FOXP1: variants seen among roughly 807,000 people sequenced by gnomAD.
The protein encoded by FOXP1 is forkhead box P1.
A neutral mutation model predicts 98.2 loss-of-function variants in FOXP1; 15 were observed. The observed-to-expected ratio is 0.15, with a 90% confidence interval of 0.10 to 0.24. The LOEUF is 0.24. FOXP1 is among the 10% of genes least tolerant of loss of function. The pLI is 1.00. For missense variants in FOXP1, 633 were observed against 848.5 expected, an observed-to-expected ratio of 0.75 and a Z score of 3.15; for synonymous variants, 371 against 314.5, an observed-to-expected ratio of 1.18 and a Z score of -1.90.
At chr3:71,021,459 T>G (rs900381682) in intron 11 of FOXP1, among the ~76,000 whole-genome samples, 1 of 152,236 alleles carries the variant, frequency 6.6e-6, no homozygotes, top group Non-Finnish European at 1.5e-5. Context: ...ACATTTGGGC[T>G]ATTTCCACAT....
intron 2 of FOXP1, among the ~76,000 whole-genome samples, chr3:71,538,945 A>G (rs1348822979): frequency 2.0e-5 from 3 of 151,986 alleles, no homozygotes; most frequent in African/African-American, 7.3e-5. Flanking sequence ...TCTCCACTGA[A>G]TTGGCTTGGC....
chr3:71,334,360 A>G (rs914326493), intron 4 of FOXP1: 1 of 152,258 alleles, frequency 6.6e-6, no homozygotes, highest in East Asian at 1.9e-4. Flanking sequence ...GCGAGCCAAG[A>G]TCATGCTACT....
intron 14 of FOXP1, among the ~76,000 whole-genome samples, chr3:70,986,510 T>G (rs1183889317): frequency 6.6e-6 from 1 of 152,220 alleles, no homozygotes; most frequent in African/African-American, 2.4e-5. Flanking sequence ...ACTAAAGCCA[T>G]CTGAAGACTT....
intron 3 of FOXP1, among the ~76,000 whole-genome samples, chr3:71,466,942 C>T (rs2088820464): frequency 6.6e-6 from 1 of 152,144 alleles, no homozygotes; most frequent in African/African-American, 2.4e-5. Context: ...TTAATGAACA[C>T]TTAGCTTCAA....
chr3:71,232,909 G>C (rs1361115412), intron 5 of FOXP1, among the ~76,000 whole-genome samples: 41 of 64,560 alleles, frequency 6.4e-4, no homozygotes, highest in Non-Finnish European at 1.2e-3. Flanking sequence ...AAGAAAAATG[G>C]GGACCAGGTG....
chr3:71,374,329 C>A (rs772784040), intron 3 of FOXP1, among the ~76,000 whole-genome samples: 1 of 152,206 alleles, frequency 6.6e-6, no homozygotes, highest in Non-Finnish European at 1.5e-5. Context: ...CGTGGTGGCT[C>A]ATGCCTGTAA....
intron 4 of FOXP1, among the ~76,000 whole-genome samples, chr3:71,328,992 A>C (rs1009537038): frequency 3.4e-5 from 5 of 147,226 alleles, no homozygotes; most frequent in African/African-American, 1.2e-4. Context: ...AAAAAAAACA[A>C]AAAAAAAAAA....
At chr3:71,085,735 C>CTTTTTTTTGTTTTTTTTTTTTTTT (rs2054988464) in intron 7 of FOXP1, among the ~76,000 whole-genome samples, 1 of 37,038 alleles carries the variant, frequency 2.7e-5, no homozygotes, top group Non-Finnish European at 4.7e-5. Context: ...CATTTATGGC[C>CTTTTTTTTGTTTTTTTTTTTTTTT]TTTTTTTTTT....
At chr3:71,033,936 C>T (rs1352284145) in intron 11 of FOXP1, among the ~76,000 whole-genome samples, 3 of 152,118 alleles carry the variant, frequency 2.0e-5, no homozygotes, top group South Asian at 2.1e-4. Flanking sequence ...GTTACCTCCC[C>T]GACAGATAGA....
intron 6 of FOXP1, among the ~76,000 whole-genome samples, chr3:71,124,316 C>T (rs1050243307): frequency 1.3e-5 from 2 of 149,756 alleles, no homozygotes; most frequent in African/African-American, 5.0e-5. Context: ...TTTGAGCAGT[C>T]ATATGCTTAC....
At chr3:71,376,150 T>C (rs1288158470) in intron 3 of FOXP1, among the ~76,000 whole-genome samples, 2 of 152,162 alleles carry the variant, frequency 1.3e-5, no homozygotes, top group Non-Finnish European at 2.9e-5. Flanking sequence ...TGATGGGCCA[T>C]AATAATGTAA....
intron 2 of FOXP1, among the ~76,000 whole-genome samples, chr3:71,502,013 G>T (rs1232216864): frequency 1.3e-5 from 2 of 152,190 alleles, no homozygotes; most frequent in Non-Finnish European, 2.9e-5. Flanking sequence ...GTTGGGAGGC[G>T]TGACGCTCAT....
At chr3:71,164,475 AG>A (rs573017069) in intron 6 of FOXP1, among the ~76,000 whole-genome samples, 62 of 152,358 alleles carry the variant, frequency 4.1e-4, no homozygotes, top group African/African-American at 1.4e-3. Context: ...CTGGGATTAT[AG>A]GCGTGAGGCA....
intron 2 of FOXP1, among the ~76,000 whole-genome samples, chr3:71,525,095 G>A (rs1421904131): frequency 1.3e-5 from 2 of 152,028 alleles, no homozygotes; most frequent in African/African-American, 4.8e-5. Context: ...CCTGATGCAG[G>A]GTCCAAATTG....
intron 7 of FOXP1, among the ~76,000 whole-genome samples, chr3:71,105,641 A>G (rs541404790): frequency 1.3e-5 from 2 of 152,300 alleles, no homozygotes; most frequent in South Asian, 4.1e-4. Flanking sequence ...AACAATGATT[A>G]TAATAAACTA....
intron 5 of FOXP1, among the ~76,000 whole-genome samples, chr3:71,265,908 A>G (rs1327748496): frequency 1.3e-5 from 2 of 152,164 alleles, no homozygotes; most frequent in East Asian, 3.9e-4. Context: ...ACCTCAGGAA[A>G]CAAGGATGCC....
chr3:71,556,948 G>A (rs913283459), intron 2 of FOXP1, among the ~76,000 whole-genome samples: 1 of 151,464 alleles, frequency 6.6e-6, no homozygotes, highest in Admixed American at 6.5e-5. Flanking sequence ...GACTGGAAGT[G>A]CAGCAATCTT....
chr3:71,127,330 T>C (rs552108159), intron 6 of FOXP1, among the ~76,000 whole-genome samples: 1 of 152,364 alleles, frequency 6.6e-6, no homozygotes, highest in East Asian at 1.9e-4. Context: ...GTACTGTATC[T>C]GTTTCTTCAC....
intron 2 of FOXP1, among the ~76,000 whole-genome samples, chr3:71,550,957 A>G (rs1169304118): frequency 6.6e-6 from 1 of 152,178 alleles, no homozygotes; most frequent in Non-Finnish European, 1.5e-5. Flanking sequence ...TTCCTTCCAG[A>G]CTTCACGGAG....
Sources: gnomAD v4.1 joint callset for allele counts (sites outside exome capture counted in the v4.1 genomes callset) on GRCh38, gnomAD v4.1.1 for gene constraint, MANE v1.5 for transcripts, NCBI Gene and HGNC (gene_info 2026-07-23, HGNC 2026-07-21) for gene names.